CAST: variants seen among roughly 807,000 people sequenced by gnomAD.
CAST encodes calpastatin.
CAST carries 76 observed loss-of-function variants against 119.6 expected under a neutral mutation model. That is an observed-to-expected ratio of 0.64 (90% CI 0.53 to 0.77). The LOEUF is 0.77. CAST is among the 30% of genes least tolerant of loss of function. The pLI, the probability that CAST is intolerant of heterozygous loss-of-function variation, is 0.00. For missense variants in CAST, 953 were observed against 946.5 expected (o/e 1.01, Z -0.09); for synonymous variants, 319 against 331.6 (o/e 0.96, Z 0.41).
At chr5:96,226,476 C>A in the CAST span, among the ~76,000 whole-genome samples, 1 of 151,918 alleles carries the variant, frequency 6.6e-6, no homozygotes, top group Non-Finnish European at 1.5e-5. Flanking sequence ...CATGGCAAAA[C>A]CCTGTCTCTA....
At chr5:96,252,070 T>G in the CAST span, among the ~76,000 whole-genome samples, 4 of 152,130 alleles carry the variant, frequency 2.6e-5, no homozygotes, top group Non-Finnish European at 4.4e-5. Context: ...GTGTCTGACC[T>G]CTCCATACTC....
intron 18 of CAST, among the ~76,000 whole-genome samples, chr5:96,747,725 G>T (rs985857618): frequency 6.6e-6 from 1 of 152,084 alleles, no homozygotes; most frequent in Non-Finnish European, 1.5e-5. Flanking sequence ...ATTCTATTTT[G>T]CCTTAAGTTG....
At chr5:96,487,669 G>A in the CAST span, among the ~76,000 whole-genome samples, 3 of 152,310 alleles carry the variant, frequency 2.0e-5, no homozygotes, top group East Asian at 5.8e-4. Context: ...GCCTCTCCTT[G>A]TGACATTTCT....
At chr5:96,669,548 G>A (rs73774362) in intron 1 of CAST, among the ~76,000 whole-genome samples, 3,545 of 152,300 alleles carry the variant, frequency 0.023, 143 homozygotes, top group African/African-American at 0.081. Flanking sequence ...AAGCAAGAGA[G>A]TGTACAATAA....
chr5:96,557,398 A>G (rs549924655), intron 1 of CAST, among the ~76,000 whole-genome samples: 14 of 152,234 alleles, frequency 9.2e-5, no homozygotes, highest in African/African-American at 3.4e-4. Flanking sequence ...TGCTCCAATT[A>G]AAAGACACAG....
chr5:96,574,383 G>C lies in CAST; in HGVS notation c.60+44503G>C, dbSNP rs565423684. On this transcript the variant is annotated intron_variant, in intron 1 of 11. Coordinates refer to the CAST transcript ENST00000505143. The stretch of plus-strand genomic sequence containing the variant: ...CATTTGCCCACTTTCTAATTGGATT[G>C]ATTCATTTTGTTCTGTTGGGTTTTG... 2.2e-4 allele frequency among the ~76,000 whole-genome samples: 34 copies of C among 151,948 alleles called. No individual in the cohort carries two copies. In the South Asian group the frequency reaches 7.1e-3, roughly 32 times the overall value.
chr5:96,323,278 A>T, the CAST span, among the ~76,000 whole-genome samples: 1 of 152,178 alleles, frequency 6.6e-6, no homozygotes, highest in East Asian at 1.9e-4. Context: ...TTACCTAACC[A>T]CCAGAGTGTC....
At chr5:96,405,077 C>G in the CAST span, among the ~76,000 whole-genome samples, 2 of 152,222 alleles carry the variant, frequency 1.3e-5, no homozygotes, top group South Asian at 4.2e-4. Flanking sequence ...TGGCATTCAG[C>G]TTTGGTATAG....
At chr5:96,193,341 A>G in the CAST span, among the ~76,000 whole-genome samples, 2 of 143,550 alleles carry the variant, frequency 1.4e-5, no homozygotes, top group Admixed American at 1.4e-4. Flanking sequence ...CCTGCTGGGA[A>G]CTGTAGAGAT....
intron 1 of CAST, among the ~76,000 whole-genome samples, chr5:96,627,183 C>G (rs1350108127): frequency 1.3e-5 from 2 of 152,164 alleles, no homozygotes; most frequent in Admixed American, 6.5e-5. Context: ...TGAGGTCTAC[C>G]ACAACATAGT....
the CAST span, among the ~76,000 whole-genome samples, chr5:96,034,824 A>T: frequency 6.6e-6 from 1 of 150,828 alleles, no homozygotes; most frequent in Admixed American, 6.6e-5. Flanking sequence ...CTTTTATAAG[A>T]TTAACATTTT....
At chr5:96,729,794 C>A in intron 8 of CAST, 69 bp downstream of exon 8, 1 of 752,714 alleles carries the variant, frequency 1.3e-6, no homozygotes, top group Non-Finnish European at 2.5e-6. Flanking sequence ...CCCCTGTTCA[C>A]ACTGAGGTGT....
the CAST span, among the ~76,000 whole-genome samples, chr5:96,284,371 A>G: frequency 7.1e-3 from 1,076 of 152,238 alleles, 15 homozygotes; most frequent in African/African-American, 0.024. Flanking sequence ...CTGGGGTGCT[A>G]ATAATCAGGT....
chr5:96,587,454 G>C (rs2150190730), intron 1 of CAST, among the ~76,000 whole-genome samples: 1 of 152,306 alleles, frequency 6.6e-6, no homozygotes, highest in Non-Finnish European at 1.5e-5. Context: ...GACTGGTATG[G>C]TGTTTTGAAT....
the CAST span, among the ~76,000 whole-genome samples, chr5:96,263,913 C>A: frequency 4.6e-5 from 7 of 152,156 alleles, no homozygotes; most frequent in African/African-American, 9.7e-5. Flanking sequence ...CTTGTGATAA[C>A]TCCCTCACTA....
At chr5:96,144,331 T>C in the CAST span, among the ~76,000 whole-genome samples, 4 of 152,332 alleles carry the variant, frequency 2.6e-5, no homozygotes, top group East Asian at 1.9e-4. Flanking sequence ...CTTTCAAAGA[T>C]TGAAAGACTG....
chr5:96,366,252 C>G, the CAST span, among the ~76,000 whole-genome samples: 3 of 152,128 alleles, frequency 2.0e-5, no homozygotes, highest in Non-Finnish European at 4.4e-5. Flanking sequence ...TCTCTGGCTG[C>G]GCTTAACATT....
intron 1 of CAST, among the ~76,000 whole-genome samples, chr5:96,632,840 A>G (rs1027709541): frequency 3.3e-4 from 51 of 152,318 alleles, no homozygotes; most frequent in African/African-American, 1.1e-3. Context: ...TAAGTTTTAA[A>G]TTGGGAAGTG....
the CAST span, chr5:95,980,610 A>C: frequency 6.6e-6 from 1 of 152,040 alleles, no homozygotes; most frequent in Admixed American, 6.6e-5. Flanking sequence ...TGGTGTTTTT[A>C]TTTACTATTT....
Sources: gnomAD v4.1 joint callset for allele counts (sites outside exome capture counted in the v4.1 genomes callset) on GRCh38, gnomAD v4.1.1 for gene constraint, MANE v1.5 for transcripts, NCBI Gene and HGNC (gene_info 2026-07-23, HGNC 2026-07-21) for gene names.